FBN2: variants seen among roughly 807,000 people sequenced by gnomAD.
FBN2 encodes the protein fibrillin-2.
Under a neutral mutation model 355.6 loss-of-function variants are expected in FBN2, and 105 were observed. The observed-to-expected ratio is 0.30, with a 90% CI of 0.25 to 0.35. The LOEUF (loss-of-function observed/expected upper bound fraction) is 0.35. FBN2 is among the 10% of genes least tolerant of loss of function. The pLI is 1.00. For missense variants in FBN2, 3,280 were observed against 3,758.7 expected (o/e 0.87, Z 3.33); for synonymous variants, 1,350 against 1,301.2 (o/e 1.04, Z -0.81).
intron 5 of FBN2, among the ~76,000 whole-genome samples, chr5:128,482,178 G>A (rs933601873): frequency 2.6e-5 from 4 of 152,086 alleles, no homozygotes; most frequent in African/African-American, 9.7e-5. Context: ...GAGAGAAAAT[G>A]TGGATATTAC....
intron 53 of FBN2, 93 bp downstream of exon 53, chr5:128,288,345 C>T: frequency 6.9e-7 from 1 of 1,439,828 alleles, no homozygotes; most frequent in Middle Eastern, 2.1e-4. Context: ...TGCTCACCAG[C>T]AGAATATCAG....
chr5:128,287,835 A>T (rs564134442), intron 53 of FBN2, among the ~76,000 whole-genome samples: 1 of 152,282 alleles, frequency 6.6e-6, no homozygotes, highest in South Asian at 2.1e-4. Context: ...AGGGCAACCA[A>T]GTCTGCTAAA....
intron 5 of FBN2, among the ~76,000 whole-genome samples, chr5:128,493,392 GATA>G (rs1755562278): frequency 2.0e-5 from 3 of 152,244 alleles, no homozygotes; most frequent in African/African-American, 7.2e-5. Flanking sequence ...AGAGAGAAAA[GATA>G]ATAATAATGA....
chr5:128,464,750 G>C lies in FBN2; in HGVS notation c.800C>G (p.Pro267Arg). Residue 267 changes from proline to arginine, a missense_variant, in exon 6 of 65, where the codon CCC becomes CGC. Pro to Arg is a moderately radical substitution (Grantham distance 103). Coordinates refer to ENST00000262464, the MANE Select transcript of FBN2 (RefSeq NM_001999.4). ...QPQPCRRGFI[P>R]NIRTGACQDV... Reference sequence around the variant, plus strand: ...TTGGCAAGCTCCAGTGCGGATGTTGGGGATGAAACCCCGTCGGCAGGGCTG... The same window carrying C: ...TTGGCAAGCTCCAGTGCGGATGTTGCGGATGAAACCCCGTCGGCAGGGCTG... 1 of 1,613,866 alleles carries C rather than the reference G, an allele frequency of 6.2e-7. No homozygotes were observed. Among genetic ancestry groups the C allele is most frequent in the Non-Finnish European group, 8.5e-7 (1 of 1,179,958 alleles).
At chr5:128,352,911 G>C (rs2126925358) in intron 20 of FBN2, among the ~76,000 whole-genome samples, 1 of 152,258 alleles carries the variant, frequency 6.6e-6, no homozygotes, top group East Asian at 1.9e-4. Flanking sequence ...AGTGGCTCAT[G>C]ACTATAATCC....
chr5:128,482,189 C>T (rs906817084), intron 5 of FBN2, among the ~76,000 whole-genome samples: 2 of 151,744 alleles, frequency 1.3e-5, no homozygotes, highest in African/African-American at 2.4e-5. Flanking sequence ...TGGATATTAC[C>T]GGTTCTGTTC....
At position 128,288,441 on chromosome 5, in the gene FBN2, C is replaced by T. The variant is rs1456042647; in HGVS notation, c.6754G>A (p.Glu2252Lys). 1 of 1,614,030 alleles carries T rather than the reference C, an allele frequency of 6.2e-7. No homozygotes were observed. ...GFEPGPMMNCEDINECAQNPL... is the reference protein window; with the variant it reads ...GFEPGPMMNCKDINECAQNPL... ...ATTTAAGACAAAGATCACTTGCCTT[C>T]ACAATTCATCATGGGCCCTGGCTCA... is the stretch of plus-strand genomic sequence containing the variant. Residue 2252 changes from glutamate to lysine, a missense_variant, in exon 53 of 65, where the codon GAA becomes AAA. Around this residue, in one of 6 missense-constraint regions of FBN2, gnomAD observed 2,284 missense variants for 2,749.5 expected, o/e 0.83. Transcript: ENST00000262464.
At chr5:128,427,951 C>T (rs2127025957) in intron 7 of FBN2, among the ~76,000 whole-genome samples, 1 of 152,306 alleles carries the variant, frequency 6.6e-6, no homozygotes, top group South Asian at 2.1e-4. Context: ...GCTATGTTCT[C>T]CCCACAGATG....
At chr5:128,382,531 T>C (rs1419305687) in intron 11 of FBN2, among the ~76,000 whole-genome samples, 1 of 152,088 alleles carries the variant, frequency 6.6e-6, no homozygotes, top group Non-Finnish European at 1.5e-5. Flanking sequence ...TCTGTAACTC[T>C]ACCCCGGACA....
chr5:128,364,599 C>G lies in FBN2; in HGVS notation c.2428+1G>C. 6.2e-7 allele frequency: 1 copy of G among 1,612,968 alleles called. No individual in the cohort carries two copies. The highest frequency in any genetic ancestry group is 8.5e-7 in the Non-Finnish European group (1 of 1,179,156). ...TTGCATAAATATAACAAATAACTTA[C>G]CAATACAGTTTCTTCCAGAGGCATC... On this transcript the variant is annotated splice_donor_variant, in intron 18 of 64. Coordinates refer to ENST00000262464, the MANE Select transcript of FBN2 (RefSeq NM_001999.4). LOFTEE classifies it high-confidence loss of function.
rs998180527 is a variant in FBN2, at chr5:128,522,335, C to T, written c.533-2967G>A. Among the ~76,000 whole-genome samples the T allele has an allele frequency of 2.6e-5, 4 of 152,228 alleles. No individual in the cohort carries two copies. The South Asian group carries it at 6.2e-4, about 24-fold the overall frequency. On this transcript the variant is annotated intron_variant, in intron 4 of 64. Coordinates refer to ENST00000262464, the MANE Select transcript of FBN2 (RefSeq NM_001999.4). ...TTTCACGGCATTTTTTCAAGTACTTCGCAAGGCAGAATGGTGCAGTGAACA... is the reference window on the plus strand; with the variant it reads ...TTTCACGGCATTTTTTCAAGTACTTTGCAAGGCAGAATGGTGCAGTGAACA...
intron 5 of FBN2, among the ~76,000 whole-genome samples, chr5:128,494,180 C>T (rs1016949796): frequency 8.5e-5 from 13 of 152,256 alleles, no homozygotes; most frequent in African/African-American, 2.9e-4. Context: ...CCATTGTCTC[C>T]GCCTTCAGTC....
intron 7 of FBN2, among the ~76,000 whole-genome samples, chr5:128,416,108 C>T (rs1254584617): frequency 6.6e-6 from 1 of 151,624 alleles, no homozygotes; most frequent in Non-Finnish European, 1.5e-5. Flanking sequence ...CTCACCGCAA[C>T]CTCTACCTCC....
rs747440631 is a variant in FBN2, at chr5:128,528,006, C to T, written c.437-39G>A. Reference sequence around the variant, plus strand: ...TAACAAAAAGTATAAAAACATCAGTCATCAAAATTATAGTATATGTGAGAG... The same window carrying T: ...TAACAAAAAGTATAAAAACATCAGTTATCAAAATTATAGTATATGTGAGAG... On this transcript the variant is annotated intron_variant, in intron 3 of 64. Coordinates refer to ENST00000262464, the MANE Select transcript of FBN2 (RefSeq NM_001999.4). The T allele has an allele frequency of 2.7e-5, 36 of 1,345,830 alleles. No individual in the cohort carries two copies. The South Asian group carries it at 3.9e-4, about 15-fold the overall frequency. The allele number at this position is 1,345,830 out of a possible 1,614,324, so 83.4% of individuals were successfully genotyped here. A position where few individuals can be genotyped will look rare whatever the true frequency, so the allele number is the denominator to read the frequency against.
intron 7 of FBN2, among the ~76,000 whole-genome samples, chr5:128,428,146 C>T (rs935201584): frequency 6.6e-5 from 10 of 152,168 alleles, no homozygotes; most frequent in Admixed American, 1.3e-4. Flanking sequence ...GTCCAAGCTA[C>T]CATCAAGTCT....
chr5:128,419,448 T>C (rs186937444), intron 7 of FBN2, among the ~76,000 whole-genome samples: 201 of 152,316 alleles, frequency 1.3e-3, no homozygotes, highest in Non-Finnish European at 2.2e-3. Flanking sequence ...TAGTTTTTCA[T>C]AGATGCCCTC....
intron 5 of FBN2, among the ~76,000 whole-genome samples, chr5:128,501,869 A>T (rs1342124706): frequency 6.6e-6 from 1 of 152,134 alleles, no homozygotes; most frequent in Admixed American, 6.5e-5. Context: ...TCAAAAGTCT[A>T]AAAAAAGAAA....
At chr5:128,309,190 G>C (rs1561762190) in intron 41 of FBN2, 57 bp downstream of exon 41, 1 of 1,573,632 alleles carries the variant, frequency 6.4e-7, no homozygotes, top group Non-Finnish European at 8.7e-7. Flanking sequence ...TATACTGTTA[G>C]ATATATGCGT....
intron 35 of FBN2, 142 bp downstream of exon 35, chr5:128,318,737 T>C: frequency 2.8e-6 from 2 of 704,598 alleles, no homozygotes; most frequent in Non-Finnish European, 2.4e-6. Flanking sequence ...AATAAATGCA[T>C]CTGAATATAA....
Sources: gnomAD v4.1 joint callset for allele counts (sites outside exome capture counted in the v4.1 genomes callset) on GRCh38, gnomAD v4.1.1 for gene constraint, gnomAD v4.1.1 regional missense constraint, MANE v1.5 for transcripts, NCBI Gene and HGNC (gene_info 2026-07-23, HGNC 2026-07-21) for gene names.